VPS45: variants seen among roughly 807,000 people sequenced by gnomAD.
The protein encoded by VPS45 is vacuolar protein sorting 45 homolog, also known as vacuolar protein sorting-associated protein 45.
VPS45 carries 35 observed loss-of-function variants against 75.9 expected under a neutral mutation model. The observed-to-expected ratio is 0.46, with a 90% CI of 0.35 to 0.61. The LOEUF (loss-of-function observed/expected upper bound fraction) is 0.61, where lower values mean the gene tolerates loss of function less well. VPS45 is among the 20% of genes least tolerant of loss of function. VPS45 has a pLI of 0.00. For synonymous variants in VPS45, 220 were observed against 238.2 expected, an observed-to-expected ratio of 0.92 and a Z score of 0.70; for missense variants, 559 against 685.9, an observed-to-expected ratio of 0.81 and a Z score of 2.07.
At chr1:150,131,077 G>C (rs1010299179) in intron 14 of VPS45, among the ~76,000 whole-genome samples, 1 of 152,124 alleles carries the variant, frequency 6.6e-6, no homozygotes, top group Non-Finnish European at 1.5e-5. Context: ...GGGTGTAAGC[G>C]TTTTTAAGAT....
rs1474908904 is a variant in VPS45, at chr1:150,093,752, T to C, written c.1493+104T>C. On this transcript the variant is annotated intron_variant, in intron 13 of 14. Transcript: ENST00000644510. ...AGCTGAGGTTATAGCATTCTGCTGC[T>C]CCTTTCTTCTGTTAAGATTCTTTTG... 1.3e-5 allele frequency: 18 copies of C among 1,370,854 alleles called. No individual in the cohort carries two copies. The East Asian group carries it at 4.2e-4, about 32-fold the overall frequency. The allele number at this position is 1,370,854 out of a possible 1,614,324, so 84.9% of individuals were successfully genotyped here. A position where few individuals can be genotyped will look rare whatever the true frequency, so the allele number is the denominator to read the frequency against.
chr1:150,090,434 A>G (rs746382037), intron 10 of VPS45, among the ~76,000 whole-genome samples: 93 of 152,238 alleles, frequency 6.1e-4, no homozygotes, highest in Non-Finnish European at 1.2e-3. Flanking sequence ...AACACCACAT[A>G]TTTGTTCCTG....
chr1:150,077,262 C>A, intron 6 of VPS45, 31 bp downstream of exon 6: 1 of 1,593,576 alleles, frequency 6.3e-7, no homozygotes, highest in Non-Finnish European at 8.5e-7. Context: ...GGTTCCAAAA[C>A]ATAAAGGCCA....
intron 14 of VPS45, among the ~76,000 whole-genome samples, chr1:150,123,732 G>C (rs1348585794): frequency 2.6e-5 from 4 of 152,138 alleles, no homozygotes; most frequent in Non-Finnish European, 5.9e-5. Context: ...CATATAGATG[G>C]AATTGTTATC....
chr1:150,098,359 T>A (rs1288634162), intron 13 of VPS45, among the ~76,000 whole-genome samples: 1 of 152,244 alleles, frequency 6.6e-6, no homozygotes, highest in Non-Finnish European at 1.5e-5. Context: ...TCAATAGATG[T>A]TTGGTAAATT....
chr1:150,117,411 A>C (rs1657996213), intron 14 of VPS45, among the ~76,000 whole-genome samples: 1 of 151,044 alleles, frequency 6.6e-6, no homozygotes, highest in African/African-American at 2.4e-5. Context: ...AGTCCCAGCT[A>C]CTCAGGAGGC....
At chr1:150,101,036 G>A (rs587712204) in intron 13 of VPS45, among the ~76,000 whole-genome samples, 182 of 152,262 alleles carry the variant, frequency 1.2e-3, no homozygotes, top group Middle Eastern at 0.01. Flanking sequence ...GTGGAAGGCC[G>A]AGGCAGGTGG....
intron 2 of VPS45, 136 bp downstream of exon 2, chr1:150,068,900 C>G: frequency 2.1e-6 from 2 of 947,796 alleles, no homozygotes; most frequent in Non-Finnish European, 2.9e-6. Flanking sequence ...AGTGTTATAA[C>G]CTTCATTTTT....
chr1:150,076,423 T>C, intron 4 of VPS45, 111 bp downstream of exon 4: 1 of 699,692 alleles, frequency 1.4e-6, no homozygotes, highest in Non-Finnish European at 2.3e-6. Flanking sequence ...TTATTATGAA[T>C]ACTTGAATAT....
chr1:150,134,265 T>C (rs192986017), intron 14 of VPS45, among the ~76,000 whole-genome samples: 1 of 152,340 alleles, frequency 6.6e-6, no homozygotes, highest in East Asian at 1.9e-4. Context: ...GAAAACACTC[T>C]ATCCTTCTCT....
At position 150,144,899 on chromosome 1, in the gene VPS45, T is replaced by G; in HGVS notation, c.*103T>G. 1 of 1,572,428 alleles carries G rather than the reference T, an allele frequency of 6.4e-7. No individual in the cohort carries two copies. Among genetic ancestry groups the G allele is most frequent in the South Asian group, 1.2e-5 (1 of 86,918 alleles). On this transcript the variant is annotated 3_prime_UTR_variant, in exon 15 of 15. Coordinates refer to ENST00000644510, the MANE Select transcript of VPS45 (RefSeq NM_007259.5). Reference sequence around the variant, plus strand: ...GAGCAGCTTTGGGTTCTGTGCTGGTTGTTAGAACTCATCTCCAGGTAGCCC... The same window carrying G: ...GAGCAGCTTTGGGTTCTGTGCTGGTGGTTAGAACTCATCTCCAGGTAGCCC...
intron 14 of VPS45, among the ~76,000 whole-genome samples, chr1:150,132,664 T>C (rs1658891515): frequency 6.6e-6 from 1 of 152,190 alleles, no homozygotes; most frequent in Non-Finnish European, 1.5e-5. Context: ...TAAATCACCT[T>C]TTAGTACCCT....
At chr1:150,140,628 G>A (rs1571925407) in intron 14 of VPS45, among the ~76,000 whole-genome samples, 1 of 152,064 alleles carries the variant, frequency 6.6e-6, no homozygotes, top group South Asian at 2.1e-4. Context: ...CTAGAACAGT[G>A]CCTAGCACAT....
chr1:150,137,767 T>A (rs976476375), intron 14 of VPS45, among the ~76,000 whole-genome samples: 3 of 152,192 alleles, frequency 2.0e-5, no homozygotes, highest in Middle Eastern at 3.4e-3. Context: ...TATAAAAAAT[T>A]AGCCAGGCAT....
In VPS45 at chr1:150,076,063, AAT is replaced by A. The variant is rs71825614; in HGVS notation, c.290-150_290-149del. Among the ~76,000 whole-genome samples, 723 of 139,958 alleles carry A rather than the reference AAT, an allele frequency of 5.2e-3. 3 individuals carry two copies. The highest frequency in any genetic ancestry group is 6.3e-3 in the Non-Finnish European group (414 of 65,656). 91.8% of individuals were successfully genotyped at this position (139,958 alleles called of 152,430 possible). Reference sequence around the variant, plus strand: ...CACCGCGCCTGGCCAGTCCTTTTAAAATATATATATATATATATATAAAATTA... The same window carrying A: ...CACCGCGCCTGGCCAGTCCTTTTAAAATATATATATATATATATAAAATTA... On this transcript the variant is annotated intron_variant, in intron 3 of 14. Coordinates refer to ENST00000644510, the MANE Select transcript of VPS45 (RefSeq NM_007259.5).
chr1:150,137,915 C>CAAAAAAA (rs61104098), intron 14 of VPS45, among the ~76,000 whole-genome samples: 2 of 92,432 alleles, frequency 2.2e-5, no homozygotes, highest in Admixed American at 1.5e-4. Context: ...ACTCCGTCTC[C>CAAAAAAA]AAAAAAAAAA....
intron 10 of VPS45, among the ~76,000 whole-genome samples, chr1:150,084,295 A>G (rs1438785813): frequency 6.6e-6 from 1 of 152,174 alleles, no homozygotes; most frequent in Non-Finnish European, 1.5e-5. Context: ...GATCTTATGT[A>G]GAAAGTTGAG....
At chr1:150,076,454 A>G (rs1303919856) in intron 4 of VPS45, 142 bp downstream of exon 4, 4 of 565,758 alleles carry the variant, frequency 7.1e-6, no homozygotes, top group Non-Finnish European at 1.2e-5. Context: ...TAAATGAGGA[A>G]TATTGTTTTC....
At chr1:150,080,430 C>T (rs890584463) in intron 7 of VPS45, among the ~76,000 whole-genome samples, 3 of 152,192 alleles carry the variant, frequency 2.0e-5, no homozygotes, top group Non-Finnish European at 4.4e-5. Context: ...AGGCATGAGC[C>T]ACCATGCCCA....
Sources: allele counts gnomAD v4.1 joint callset (sites outside exome capture counted in the v4.1 genomes callset), GRCh38; gene constraint gnomAD v4.1.1; transcripts MANE v1.5; gene names NCBI Gene and HGNC (gene_info 2026-07-23, HGNC 2026-07-21).